The following KCTD1 variants were observed in gnomAD, a reference collection of about 807,000 sequenced individuals.
KCTD1 encodes the protein BTB/POZ domain-containing protein KCTD1.
In KCTD1, 24 loss-of-function variants were observed where a neutral mutation model predicts 66.0. That is an observed-to-expected ratio of 0.36 (90% CI 0.26 to 0.51). The LOEUF (loss-of-function observed/expected upper bound fraction) is 0.51, where lower values mean the gene tolerates loss of function less well. Ranked by LOEUF, KCTD1 falls within the 20% of genes least tolerant of loss-of-function variation. KCTD1 has a pLI of 0.95. For synonymous variants in KCTD1, 511 were observed against 517.2 expected, an observed-to-expected ratio of 0.99 and a Z score of 0.16; for missense variants, 943 against 1,205.2, an observed-to-expected ratio of 0.78 and a Z score of 3.22.
At chr18:26,517,514 G>A (rs555994001) in intron 1 of KCTD1, among the ~76,000 whole-genome samples, 2 of 152,128 alleles carry the variant, frequency 1.3e-5, no homozygotes, top group African/African-American at 4.8e-5. Context: ...AAAATTAGCT[G>A]AGCATGGTGA....
At chr18:26,491,399 T>C (rs1286970174) in intron 2 of KCTD1, among the ~76,000 whole-genome samples, 1 of 152,116 alleles carries the variant, frequency 6.6e-6, no homozygotes, top group Non-Finnish European at 1.5e-5. Flanking sequence ...TTTCTCTTCA[T>C]AGGTACAAAC....
At position 26,635,807 on chromosome 18, in the gene KCTD1, T is replaced by G. The variant is rs190122792; in HGVS notation, c.-107+4504A>C. 4.7e-3 allele frequency among the ~76,000 whole-genome samples: 716 copies of G among 152,100 alleles called. 3 individuals are homozygous for G. Among genetic ancestry groups the G allele is most frequent in the African/African-American group, 0.016 (674 of 41,506 alleles). ...AGAAGGACTGTGAAATGCCCCCAAA[T>G]AGTGACAGCCCTCTACACACCAGGC... On this transcript the variant is annotated intron_variant, in intron 1 of 5. Coordinates refer to the KCTD1 transcript ENST00000579973.
rs1408628277 is a variant in KCTD1, at chr18:26,547,405, T to G, written c.1132A>C (p.Met378Leu). Residue 378 changes from methionine to leucine, a missense_variant, in exon 1 of 5, where the codon ATG becomes CTG. This residue lies in a region of KCTD1 where 79 missense variants were observed against 133.9 expected (regional missense o/e 0.59). Transcript: ENST00000580059. ...CAGAACTCGGTGCCCGTCTCATACA[T>G]GCGGGGCAAGTTCTCCTCGTCGCTG... Reference protein sequence around the residue: ...ESSDEENLPRMYETGTEFCPY... With the variant: ...ESSDEENLPRLYETGTEFCPY... 1.3e-6 allele frequency: 2 copies of G among 1,551,368 alleles called. No individual in the cohort carries two copies. Among genetic ancestry groups the G allele is most frequent in the East Asian group, 4.9e-5 (2 of 40,900 alleles).
rs148723671 is a variant in KCTD1 at position 26,526,918 on chromosome 18, A to G, written c.1809+19810T>C. The stretch of plus-strand genomic sequence containing the variant: ...CAACTTTCAAACCACAAAATATACA[A>G]TGACCAGTTTCCCTAGGATTAAAGC... On this transcript the variant is annotated intron_variant, in intron 1 of 4. Coordinates refer to ENST00000580059, the MANE Select transcript of KCTD1 (RefSeq NM_001142730.3). Among the ~76,000 whole-genome samples, 149 of 151,814 alleles carry G rather than the reference A, an allele frequency of 9.8e-4. 1 individual carries two copies. The highest frequency in any genetic ancestry group is 3.4e-3 in the African/African-American group (142 of 41,362).
At chr18:26,479,977 C>T (rs891843099) in intron 2 of KCTD1, among the ~76,000 whole-genome samples, 3 of 146,242 alleles carry the variant, frequency 2.1e-5, no homozygotes, top group African/African-American at 7.4e-5. Context: ...CCTTGGAGAA[C>T]ATTCCTGTTT....
chr18:26,609,251 A>G (rs1284695514), intron 1 of KCTD1, among the ~76,000 whole-genome samples: 3 of 152,242 alleles, frequency 2.0e-5, no homozygotes, highest in Non-Finnish European at 2.9e-5. Context: ...TTAGCATTAA[A>G]TATTTAAGAA....
intron 1 of KCTD1, among the ~76,000 whole-genome samples, chr18:26,534,580 A>G (rs1984598588): frequency 6.6e-6 from 1 of 152,180 alleles, no homozygotes; most frequent in African/African-American, 2.4e-5. Flanking sequence ...TAACCTGTCA[A>G]TAATCTCTAA....
intron 3 of KCTD1, among the ~76,000 whole-genome samples, chr18:26,474,252 T>C (rs967067400): frequency 6.6e-6 from 1 of 152,224 alleles, no homozygotes; most frequent in Non-Finnish European, 1.5e-5. Context: ...TTTGTAACCA[T>C]CTGCCAATGA....
intron 1 of KCTD1, among the ~76,000 whole-genome samples, chr18:26,598,786 T>C (rs368553327): frequency 6.6e-6 from 1 of 152,156 alleles, no homozygotes; most frequent in African/African-American, 2.4e-5. Context: ...TGGCCATTCA[T>C]ATATATTCTT....
intron 1 of KCTD1, among the ~76,000 whole-genome samples, chr18:26,598,433 A>G (rs939416887): frequency 2.0e-5 from 3 of 151,006 alleles, no homozygotes; most frequent in African/African-American, 7.3e-5. Context: ...TTCATGTATA[A>G]GCTTTTGTAT....
intron 1 of KCTD1, among the ~76,000 whole-genome samples, chr18:26,608,714 T>C (rs2438414): frequency 0.57 from 86,543 of 152,050 alleles, 25,037 homozygotes; most frequent in African/African-American, 0.68. Context: ...TTGTGCACAG[T>C]GATGCTTTAC....
chr18:26,490,380 A>G (rs1403591637), intron 2 of KCTD1, among the ~76,000 whole-genome samples: 1 of 152,220 alleles, frequency 6.6e-6, no homozygotes, highest in Non-Finnish European at 1.5e-5. Flanking sequence ...AAAGCTATCA[A>G]TTGGAGGAAA....
At chr18:26,499,755 T>C (rs1464360266) in intron 2 of KCTD1, among the ~76,000 whole-genome samples, 2 of 152,124 alleles carry the variant, frequency 1.3e-5, no homozygotes, top group African/African-American at 4.8e-5. Context: ...TTCTGAAAAA[T>C]GTGGCCGGTG....
intron 1 of KCTD1, among the ~76,000 whole-genome samples, chr18:26,620,804 A>T (rs938437488): frequency 1.1e-4 from 16 of 149,744 alleles, no homozygotes; most frequent in African/African-American, 3.9e-4. Context: ...TATTCACTGC[A>T]TAGCAGTCAT....
At chr18:26,588,952 A>G (rs1417356352) in intron 1 of KCTD1, among the ~76,000 whole-genome samples, 1 of 151,394 alleles carries the variant, frequency 6.6e-6, no homozygotes, top group Non-Finnish European at 1.5e-5. Context: ...TTACTTAAGC[A>G]TGAACTCAGA....
In KCTD1 at chr18:26,554,606, G is replaced by A. The variant is rs56810980; in HGVS notation, c.-15-53356C>T. Among the ~76,000 whole-genome samples, 8 of 152,322 alleles carry A rather than the reference G, an allele frequency of 5.3e-5. No individual in the cohort carries two copies. In the East Asian group the frequency reaches 1.5e-3, roughly 29 times the overall value. On this transcript the variant is annotated intron_variant, in intron 1 of 4. Transcript: ENST00000317932. ...GCTATTGTAAATCTCCTGGGGCAAA[G>A]AGGGTATTCCTATTTTTTTCTTCAA...
intron 2 of KCTD1, among the ~76,000 whole-genome samples, chr18:26,483,419 C>T (rs1172962293): frequency 6.6e-6 from 1 of 152,110 alleles, no homozygotes; most frequent in African/African-American, 2.4e-5. Flanking sequence ...CAGGCACCTG[C>T]CACCACGCCC....
chr18:26,630,907 T>C (rs1340316753), upstream of KCTD1, among the ~76,000 whole-genome samples: 2 of 152,218 alleles, frequency 1.3e-5, no homozygotes, highest in African/African-American at 4.8e-5. Flanking sequence ...CTTTGAGACC[T>C]TCACTTGAAG....
chr18:26,631,890 T>C (rs1310387978), upstream of KCTD1, among the ~76,000 whole-genome samples: 2 of 103,094 alleles, frequency 1.9e-5, no homozygotes, highest in African/African-American at 7.9e-5. Context: ...CTACTAAAAA[T>C]ACAAAAAAAA....
Sources: gnomAD v4.1 joint callset for allele counts (sites outside exome capture counted in the v4.1 genomes callset) on GRCh38, gnomAD v4.1.1 for gene constraint, gnomAD v4.1.1 regional missense constraint, MANE v1.5 for transcripts, NCBI Gene and HGNC (gene_info 2026-07-23, HGNC 2026-07-21) for gene names.